The following MYO5B variants were observed in gnomAD, a reference collection of about 807,000 sequenced individuals.
MYO5B encodes the protein myosin VB.
MYO5B carries 143 observed loss-of-function variants against 229.3 expected under a neutral mutation model. That is an observed-to-expected ratio of 0.62 (90% CI 0.54 to 0.72). The LOEUF is 0.72. MYO5B is among the 30% of genes least tolerant of loss of function. MYO5B has a pLI of 0.00. For synonymous variants in MYO5B, 918 were observed against 885.2 expected, an observed-to-expected ratio of 1.04 and a Z score of -0.66; for missense variants, 2,321 against 2,331.0, an observed-to-expected ratio of 1.00 and a Z score of 0.09.
At chr18:49,945,852 C>T (rs141174830) in intron 14 of MYO5B, among the ~76,000 whole-genome samples, 15 of 152,224 alleles carry the variant, frequency 9.9e-5, no homozygotes, top group African/African-American at 3.6e-4. Context: ...AGTGGCCCGT[C>T]AGACTGGTGC....
chr18:50,120,619 C>CA (rs1273949487), intron 1 of MYO5B, among the ~76,000 whole-genome samples: 3 of 152,190 alleles, frequency 2.0e-5, no homozygotes, highest in Non-Finnish European at 4.4e-5. Flanking sequence ...TCCAGGGTCC[C>CA]AGCCTGGCCC....
chr18:49,938,830 T>C (rs917339679), intron 14 of MYO5B, among the ~76,000 whole-genome samples: 22 of 152,128 alleles, frequency 1.4e-4, no homozygotes, highest in African/African-American at 4.8e-5. Flanking sequence ...TCTATACTTA[T>C]CCTGAGAGGC....
At chr18:50,172,157 T>A (rs2032927484) in intron 1 of MYO5B, among the ~76,000 whole-genome samples, 1 of 151,960 alleles carries the variant, frequency 6.6e-6, no homozygotes, top group African/African-American at 2.4e-5. Flanking sequence ...GGCACACAAC[T>A]GTAGTCCCAA....
intron 17 of MYO5B, among the ~76,000 whole-genome samples, chr18:49,914,983 A>T (rs1359413318): frequency 6.6e-6 from 1 of 151,996 alleles, no homozygotes; most frequent in African/African-American, 2.4e-5. Context: ...TGGGATGAGA[A>T]GGAAAATGGA....
At chr18:49,853,824 C>T (rs371197464) in intron 30 of MYO5B, among the ~76,000 whole-genome samples, 177 bp from the exon 31 acceptor site, 4 of 152,232 alleles carry the variant, frequency 2.6e-5, no homozygotes, top group Non-Finnish European at 5.9e-5. Flanking sequence ...GGCAAGCAGG[C>T]CAAAGTGTCC....
chr18:50,135,951 G>C (rs965948557), intron 1 of MYO5B, among the ~76,000 whole-genome samples: 1 of 152,172 alleles, frequency 6.6e-6, no homozygotes, highest in Non-Finnish European at 1.5e-5. Context: ...ACAAAAACTC[G>C]TGAGACAGAG....
chr18:50,083,363 G>A (rs550618600), intron 1 of MYO5B, among the ~76,000 whole-genome samples: 1 of 152,262 alleles, frequency 6.6e-6, no homozygotes, highest in African/African-American at 2.4e-5. Context: ...CTCTCCCAGA[G>A]GTCAAGCAGT....
intron 20 of MYO5B, 73 bp downstream of exon 20, chr18:49,904,599 G>A (rs559952543): frequency 3.2e-5 from 51 of 1,585,166 alleles, no homozygotes; most frequent in African/African-American, 6.7e-5. Flanking sequence ...AGAGGTTCAC[G>A]TTGGCAGTAA....
At chr18:49,885,204 C>A (rs1474502012) in intron 22 of MYO5B, among the ~76,000 whole-genome samples, 1 of 152,222 alleles carries the variant, frequency 6.6e-6, no homozygotes, top group African/African-American at 2.4e-5. Context: ...AACAACCTCA[C>A]CCTTTCTAGC....
At chr18:49,986,641 T>C (rs956428487) in intron 7 of MYO5B, among the ~76,000 whole-genome samples, 2 of 152,222 alleles carry the variant, frequency 1.3e-5, no homozygotes, top group African/African-American at 2.4e-5. Flanking sequence ...ATTTTAGCTC[T>C]TTCTTACCTA....
intron 7 of MYO5B, 83 bp downstream of exon 7, chr18:49,990,356 A>G: frequency 8.6e-7 from 1 of 1,160,436 alleles, no homozygotes. Flanking sequence ...CCCATGACGG[A>G]GGGCTTTGAG....
chr18:50,166,262 A>G (rs1195050648), intron 1 of MYO5B, among the ~76,000 whole-genome samples: 1 of 152,228 alleles, frequency 6.6e-6, no homozygotes, highest in African/African-American at 2.4e-5. Flanking sequence ...GCACTAAGGT[A>G]AACTCATCCT....
At chr18:50,043,339 TTATATTATATATAATATAAA>T (rs1367883300) in intron 2 of MYO5B, among the ~76,000 whole-genome samples, 2 of 90,444 alleles carry the variant, frequency 2.2e-5, no homozygotes, top group East Asian at 6.0e-4. Flanking sequence ...TTTTATATAT[TTATATTATATATAATATAAA>T]TATATTATAT....
chr18:50,019,929 A>G (rs1335465154), intron 4 of MYO5B, among the ~76,000 whole-genome samples: 1 of 152,160 alleles, frequency 6.6e-6, no homozygotes. Context: ...GTTCAAGCTA[A>G]CCTGGGTGAG....
intron 1 of MYO5B, among the ~76,000 whole-genome samples, chr18:50,140,889 G>A (rs1001257058): frequency 6.6e-6 from 1 of 152,202 alleles, no homozygotes; most frequent in Non-Finnish European, 1.5e-5. Context: ...ACCAGCCAAA[G>A]GAAGAGATGC....
chr18:50,035,170 G>C (rs892021256), intron 4 of MYO5B, among the ~76,000 whole-genome samples: 1 of 152,186 alleles, frequency 6.6e-6, no homozygotes. Flanking sequence ...GATAAAGCTA[G>C]AAGACTCCAC....
chr18:50,148,369 G>A (rs1461671509), intron 1 of MYO5B, among the ~76,000 whole-genome samples: 1 of 151,388 alleles, frequency 6.6e-6, no homozygotes, highest in Admixed American at 6.6e-5. Context: ...AAGCCTGGCA[G>A]AGACACAAGC....
intron 38 of MYO5B, 82 bp downstream of exon 38, chr18:49,836,625 CAAAT>C: frequency 2.6e-6 from 4 of 1,517,160 alleles, no homozygotes; most frequent in East Asian, 4.5e-5. Flanking sequence ...GCAACACTAA[CAAAT>C]AACCACCAAC....
In MYO5B at chr18:49,841,452, C is replaced by T; in HGVS notation, c.4614G>A (p.Lys1538=). 6.2e-7 allele frequency: 1 copy of T among 1,614,036 alleles called. No homozygotes were observed. The highest frequency in any genetic ancestry group is 8.5e-7 in the Non-Finnish European group (1 of 1,179,904). ...TINGIKKVLK[K]HNDDFEMTSF... Reference sequence around the variant, plus strand: ...ACGTCATCTCAAAGTCATCATTGTGCTTCTGTGAAAAGAAAAGGACATCCT... The same window carrying T: ...ACGTCATCTCAAAGTCATCATTGTGTTTCTGTGAAAAGAAAAGGACATCCT... The change falls in exon 35 of 40, where the codon AAG becomes AAA. Residue 1538 remains lysine (K), a splice_region_variant and synonymous_variant. Coordinates refer to ENST00000285039, the MANE Select transcript of MYO5B (RefSeq NM_001080467.3).
Sources: gnomAD v4.1 joint callset for allele counts (sites outside exome capture counted in the v4.1 genomes callset) on GRCh38, gnomAD v4.1.1 for gene constraint, MANE v1.5 for transcripts, NCBI Gene and HGNC (gene_info 2026-07-23, HGNC 2026-07-21) for gene names.